MYLK4: variants seen among roughly 807,000 people sequenced by gnomAD.
The protein encoded by MYLK4 is caMLCK like.
A neutral mutation model predicts 48.1 loss-of-function variants in MYLK4; 46 were observed. That is an observed-to-expected ratio of 0.96 (90% CI 0.75 to 1.22). The LOEUF (loss-of-function observed/expected upper bound fraction) is 1.22, where lower values mean the gene tolerates loss of function less well. Ranked by LOEUF, MYLK4 falls within the 50% of genes most tolerant of loss-of-function variation. The pLI is 0.00. For missense variants in MYLK4, 451 were observed against 486.1 expected (o/e 0.93, Z 0.68); for synonymous variants, 170 against 180.8 (o/e 0.94, Z 0.48).
chr6:2,751,704 T>C (rs544852030), upstream of MYLK4, among the ~76,000 whole-genome samples: 1 of 152,320 alleles, frequency 6.6e-6, no homozygotes, highest in East Asian at 1.9e-4. Flanking sequence ...TGCCCCATTC[T>C]AACACCAGCC....
chr6:2,690,821 A>ATTTTT (rs1561842811), intron 3 of MYLK4, among the ~76,000 whole-genome samples: 29 of 127,774 alleles, frequency 2.3e-4, no homozygotes, highest in Non-Finnish European at 3.1e-4. Flanking sequence ...ATCTCTCTGA[A>ATTTTT]TCTTTTTTTT....
chr6:2,721,750 C>T (rs1763077728), intron 2 of MYLK4, among the ~76,000 whole-genome samples: 1 of 152,122 alleles, frequency 6.6e-6, no homozygotes, highest in Non-Finnish European at 1.5e-5. Flanking sequence ...GAAACTTTTC[C>T]CAATACAAGG....
intron 2 of MYLK4, among the ~76,000 whole-genome samples, chr6:2,716,450 TG>T (rs1473987604): frequency 1.3e-5 from 2 of 152,252 alleles, no homozygotes; most frequent in Non-Finnish European, 2.9e-5. Flanking sequence ...AAGAAGCTAT[TG>T]ACTGTGTTTG....
chr6:2,688,850 C>G lies in MYLK4; in HGVS notation c.341+1G>C, dbSNP rs371909024. The G allele has an allele frequency of 6.2e-7, 1 of 1,612,224 alleles. No homozygotes were observed. The highest frequency in any genetic ancestry group is 1.1e-5 in the South Asian group (1 of 91,040). ...GAATATTAACATTCAGCCTTACTCACCCTCCTAGGATTTCTGTCTTGCTCA... is the reference window on the plus strand; with the variant it reads ...GAATATTAACATTCAGCCTTACTCAGCCTCCTAGGATTTCTGTCTTGCTCA... On this transcript the variant is annotated splice_donor_variant, in intron 4 of 12. Transcript: ENST00000274643. LOFTEE classifies it high-confidence loss of function.
intron 9 of MYLK4, 65 bp downstream of exon 9, chr6:2,679,215 C>A: frequency 1.3e-6 from 2 of 1,589,254 alleles, no homozygotes; most frequent in Non-Finnish European, 1.7e-6. Context: ...TTATTTAAAA[C>A]GGCAAAACCT....
the MYLK4 span, among the ~76,000 whole-genome samples, chr6:2,760,005 G>T: frequency 1.3e-5 from 2 of 152,052 alleles, no homozygotes; most frequent in Non-Finnish European, 1.5e-5. Flanking sequence ...ATAAGAAACA[G>T]CAGTACAATT....
the MYLK4 span, among the ~76,000 whole-genome samples, chr6:2,769,179 A>T: frequency 2.0e-5 from 3 of 152,228 alleles, no homozygotes; most frequent in African/African-American, 7.2e-5. Context: ...AAATACTAGG[A>T]GTCATTGTGA....
intron 2 of MYLK4, among the ~76,000 whole-genome samples, chr6:2,738,968 A>G (rs1157148687): frequency 1.3e-5 from 2 of 152,216 alleles, no homozygotes; most frequent in Non-Finnish European, 2.9e-5. Context: ...GTCCCACTCT[A>G]TTGGGATTGT....
chr6:2,690,281 T>C (rs924977355), intron 3 of MYLK4, among the ~76,000 whole-genome samples: 6 of 152,056 alleles, frequency 3.9e-5, no homozygotes, highest in Non-Finnish European at 4.4e-5. Flanking sequence ...CGACTATGTC[T>C]ACTCTGCGCC....
intron 2 of MYLK4, among the ~76,000 whole-genome samples, chr6:2,700,246 A>T (rs1209756893): frequency 6.6e-6 from 1 of 152,010 alleles, no homozygotes; most frequent in African/African-American, 2.4e-5. Context: ...AAACTGTTCT[A>T]AGTTCTAATA....
chr6:2,687,958 G>T (rs2113150378), intron 4 of MYLK4, among the ~76,000 whole-genome samples: 1 of 152,312 alleles, frequency 6.6e-6, no homozygotes, highest in South Asian at 2.1e-4. Flanking sequence ...ATCACGGGGG[G>T]TTGTGAAAGA....
chr6:2,746,487 A>G (rs980162073), intron 2 of MYLK4, among the ~76,000 whole-genome samples: 1 of 152,238 alleles, frequency 6.6e-6, no homozygotes, highest in Admixed American at 6.5e-5. Flanking sequence ...GTTTTATCAA[A>G]CTATTTTAAC....
At chr6:2,691,089 T>C (rs112830186) in intron 3 of MYLK4, among the ~76,000 whole-genome samples, 5,386 of 152,162 alleles carry the variant, frequency 0.035, 305 homozygotes, top group African/African-American at 0.12. Flanking sequence ...CTCAGCCTCC[T>C]AAAGTGCTGG....
chr6:2,734,220 C>T (rs1763577002), intron 2 of MYLK4, among the ~76,000 whole-genome samples: 1 of 152,214 alleles, frequency 6.6e-6, no homozygotes, highest in Non-Finnish European at 1.5e-5. Context: ...ACAGGTTGTT[C>T]CCCTACCCAG....
the MYLK4 span, among the ~76,000 whole-genome samples, chr6:2,755,998 C>A: frequency 1.3e-5 from 2 of 152,162 alleles, no homozygotes; most frequent in Non-Finnish European, 1.5e-5. Context: ...GTCCACCAGA[C>A]TTCTCAAATG....
At chr6:2,751,271 C>G (rs569034067), upstream of MYLK4, among the ~76,000 whole-genome samples, 2 of 152,338 alleles carry the variant, frequency 1.3e-5, no homozygotes, top group South Asian at 4.1e-4. Context: ...GGCAACCCCA[C>G]AGCCACCTCT....
At chr6:2,732,072 T>G (rs2113328500) in intron 2 of MYLK4, among the ~76,000 whole-genome samples, 1 of 152,358 alleles carries the variant, frequency 6.6e-6, no homozygotes, top group East Asian at 1.9e-4. Flanking sequence ...ACCTGCAAAA[T>G]GCACCTGGAG....
chr6:2,768,043 C>G, the MYLK4 span, among the ~76,000 whole-genome samples: 1 of 152,198 alleles, frequency 6.6e-6, no homozygotes, highest in Non-Finnish European at 1.5e-5. Context: ...ATATTAATAA[C>G]AGCATATACA....
intron 9 of MYLK4, 148 bp from the exon 10 acceptor site, chr6:2,678,520 C>G: frequency 4.7e-6 from 4 of 850,820 alleles, no homozygotes; most frequent in Non-Finnish European, 6.9e-6. Context: ...TTATTGTAAT[C>G]AAGAAAATGC....
Sources: gnomAD v4.1 joint callset for allele counts (sites outside exome capture counted in the v4.1 genomes callset) on GRCh38, gnomAD v4.1.1 for gene constraint, MANE v1.5 for transcripts, NCBI Gene and HGNC (gene_info 2026-07-23, HGNC 2026-07-21) for gene names.